The following UBE2E3 variants were observed in gnomAD, a reference collection of about 807,000 sequenced individuals.
UBE2E3 encodes ubiquitin conjugating enzyme E2 E3, also known as ubiquitin-conjugating enzyme E2 E3.
Under a neutral mutation model 23.6 loss-of-function variants are expected in UBE2E3, and 5 were observed. That is an observed-to-expected ratio of 0.21 (90% CI 0.11 to 0.44). UBE2E3 has a LOEUF of 0.44. UBE2E3 is among the 20% of genes least tolerant of loss of function. UBE2E3 has a pLI of 0.99. For synonymous variants in UBE2E3, 78 were observed against 87.5 expected (o/e 0.89, Z 0.60); for missense variants, 81 against 249.8 (o/e 0.32, Z 4.55).
intron 2 of UBE2E3, 52 bp downstream of exon 2, chr2:180,982,288 G>C: frequency 1.3e-6 from 2 of 1,547,356 alleles, no homozygotes; most frequent in Non-Finnish European, 1.8e-6. Flanking sequence ...TCTTCCAGGT[G>C]GTTGGACGCT....
intron 3 of UBE2E3, among the ~76,000 whole-genome samples, chr2:180,988,546 A>G (rs898765235): frequency 6.6e-6 from 1 of 152,202 alleles, no homozygotes; most frequent in African/African-American, 2.4e-5. Context: ...CCCTTTTAAA[A>G]TAGAAGAATT....
intron 3 of UBE2E3, among the ~76,000 whole-genome samples, chr2:181,002,079 A>G (rs778848213): frequency 1.3e-5 from 2 of 152,210 alleles, no homozygotes; most frequent in Non-Finnish European, 2.9e-5. Flanking sequence ...GGCATTAGCT[A>G]GAAATACATA....
chr2:181,031,803 T>C (rs1338929781), intron 3 of UBE2E3, among the ~76,000 whole-genome samples: 3 of 152,142 alleles, frequency 2.0e-5, no homozygotes, highest in Non-Finnish European at 4.4e-5. Flanking sequence ...TAAAAAGAAG[T>C]CGTAAGTTAA....
At chr2:181,057,559 CTTAT>C in intron 3 of UBE2E3, 130 bp from the exon 4 acceptor site, 1 of 674,630 alleles carries the variant, frequency 1.5e-6, no homozygotes, top group Non-Finnish European at 2.4e-6. Context: ...CACATTGGGG[CTTAT>C]TTCTTTTATA....
intron 3 of UBE2E3, among the ~76,000 whole-genome samples, chr2:181,032,745 T>C (rs1686122919): frequency 6.6e-6 from 1 of 152,178 alleles, no homozygotes; most frequent in Admixed American, 6.5e-5. Context: ...TCAGAACCAC[T>C]GCAATTTTTG....
intron 3 of UBE2E3, among the ~76,000 whole-genome samples, chr2:181,023,613 G>GT (rs1486058292): frequency 6.6e-6 from 1 of 152,126 alleles, no homozygotes; most frequent in East Asian, 1.9e-4. Context: ...TGCTCTTTAA[G>GT]TAACTCTACT....
rs150082847 is a variant in UBE2E3, at chr2:180,992,953, A to G, written c.245+8860A>G. On this transcript the variant is annotated intron_variant, in intron 3 of 5. Coordinates refer to ENST00000410062, the MANE Select transcript of UBE2E3 (RefSeq NM_006357.4). ...TTTACAAAACAGAACTAATGTTCTC[A>G]GGGCAACCTACCACATTTATATATT... 8.0e-4 allele frequency among the ~76,000 whole-genome samples: 122 copies of G among 152,344 alleles called. 2 individuals are homozygous for G. In the East Asian group the frequency reaches 0.021, roughly 26 times the overall value.
At chr2:180,986,639 A>G (rs1476407697) in intron 3 of UBE2E3, among the ~76,000 whole-genome samples, 1 of 152,158 alleles carries the variant, frequency 6.6e-6, no homozygotes, top group African/African-American at 2.4e-5. Flanking sequence ...CATAAATTCT[A>G]GAATATGTGA....
intron 3 of UBE2E3, among the ~76,000 whole-genome samples, chr2:181,046,442 C>G (rs957576338): frequency 5.9e-5 from 9 of 152,098 alleles, no homozygotes; most frequent in African/African-American, 9.7e-5. Context: ...TAGTTTAAGC[C>G]TCATGATAAA....
chr2:181,000,891 C>G (rs1684971070), intron 3 of UBE2E3, among the ~76,000 whole-genome samples: 1 of 152,108 alleles, frequency 6.6e-6, no homozygotes, highest in African/African-American at 2.4e-5. Flanking sequence ...AGTAAGAATT[C>G]TTGTGCTTTG....
At chr2:181,054,750 G>A (rs1441336601) in intron 3 of UBE2E3, among the ~76,000 whole-genome samples, 1 of 151,812 alleles carries the variant, frequency 6.6e-6, no homozygotes, top group African/African-American at 2.4e-5. Flanking sequence ...TGGAAGTTAA[G>A]AGCATATTGG....
intron 3 of UBE2E3, among the ~76,000 whole-genome samples, chr2:181,005,698 G>T (rs1685129334): frequency 6.6e-6 from 1 of 152,024 alleles, no homozygotes; most frequent in African/African-American, 2.4e-5. Context: ...TGAATAATTT[G>T]TTACGGTTAT....
chr2:180,982,710 TA>T (rs1419982346), intron 2 of UBE2E3, among the ~76,000 whole-genome samples: 1 of 152,240 alleles, frequency 6.6e-6, no homozygotes, highest in African/African-American at 2.4e-5. Context: ...AAAGCAGATT[TA>T]AAATTGTGCT....
chr2:181,013,848 G>A (rs1254250560), intron 3 of UBE2E3, among the ~76,000 whole-genome samples: 1 of 152,176 alleles, frequency 6.6e-6, no homozygotes, highest in Non-Finnish European at 1.5e-5. Flanking sequence ...CCTCTTCATG[G>A]AGGAATGGCC....
At chr2:181,012,852 G>T (rs1685376820) in intron 3 of UBE2E3, among the ~76,000 whole-genome samples, 1 of 152,072 alleles carries the variant, frequency 6.6e-6, no homozygotes, top group Admixed American at 6.6e-5. Context: ...ACAAGTATTG[G>T]TATTTCTCAT....
chr2:181,035,451 C>T (rs1024734245), intron 3 of UBE2E3, among the ~76,000 whole-genome samples: 1 of 151,952 alleles, frequency 6.6e-6, no homozygotes, highest in South Asian at 2.1e-4. Context: ...ACTACTCTTA[C>T]TAGTGATATA....
At chr2:181,016,816 A>G (rs1245259717) in intron 3 of UBE2E3, among the ~76,000 whole-genome samples, 1 of 152,208 alleles carries the variant, frequency 6.6e-6, no homozygotes, top group African/African-American at 2.4e-5. Flanking sequence ...ACTTAACAAA[A>G]AATTGGTATG....
At chr2:181,061,774 CCTT>C (rs1244599035) in intron 5 of UBE2E3, among the ~76,000 whole-genome samples, 34 of 108,556 alleles carry the variant, frequency 3.1e-4, no homozygotes, top group African/African-American at 1.3e-3. Context: ...CGTTATGTGA[CCTT>C]TTTTTTTTTT....
At position 180,984,052 on chromosome 2, in the gene UBE2E3, G is replaced by A; in HGVS notation, c.204G>A (p.Lys68=). The change falls in exon 3 of 6, where the codon AAG becomes AAA. Residue 68 remains lysine, a synonymous_variant. Transcript: ENST00000410062. ...KLSTSAKRIQ[K]ELAEITLDPP... is the part of the protein sequence containing the mutation. ...CTCATTTCACTAACAGAATTCAGAAGGAGCTAGCTGAAATAACCCTTGATC... is the reference window on the plus strand; with the variant it reads ...CTCATTTCACTAACAGAATTCAGAAAGAGCTAGCTGAAATAACCCTTGATC... The A allele has an allele frequency of 6.2e-7, 1 of 1,611,092 alleles. No individual in the cohort carries two copies. The highest frequency in any genetic ancestry group is 2.2e-5 in the East Asian group (1 of 44,836).
Sources: gnomAD v4.1 joint callset for allele counts (sites outside exome capture counted in the v4.1 genomes callset) on GRCh38, gnomAD v4.1.1 for gene constraint, MANE v1.5 for transcripts, NCBI Gene and HGNC (gene_info 2026-07-23, HGNC 2026-07-21) for gene names.